The following ALOXE3 variants were observed in gnomAD, a reference collection of about 807,000 sequenced individuals.
ALOXE3 encodes the protein hydroperoxide isomerase ALOXE3.
Under a neutral mutation model 87.5 loss-of-function variants are expected in ALOXE3, and 78 were observed. The observed-to-expected ratio is 0.89, with a 90% CI of 0.74 to 1.08. ALOXE3 has a LOEUF of 1.08. Among genes scored for constraint, ALOXE3 ranks in the 50% least tolerant of loss-of-function variants. The pLI, the probability that ALOXE3 is intolerant of heterozygous loss-of-function variation, is 0.00. For synonymous variants in ALOXE3, 363 were observed against 370.8 expected (o/e 0.98, Z 0.24); for missense variants, 946 against 912.4 (o/e 1.04, Z -0.47).
intron 8 of ALOXE3, among the ~76,000 whole-genome samples, 168 bp downstream of exon 8, chr17:8,111,191 C>T (rs1014737579): frequency 1.3e-5 from 2 of 152,228 alleles, no homozygotes; most frequent in East Asian, 1.9e-4. Flanking sequence ...GACCCTCATC[C>T]GTATCTGCTC....
At chr17:8,104,618 G>A (rs923940554) in intron 13 of ALOXE3, among the ~76,000 whole-genome samples, 1 of 152,210 alleles carries the variant, frequency 6.6e-6, no homozygotes, top group Non-Finnish European at 1.5e-5. Context: ...TAGCAGCAGA[G>A]ACCCACGCAG....
intron 13 of ALOXE3, among the ~76,000 whole-genome samples, chr17:8,107,412 G>A (rs1374320723): frequency 6.6e-6 from 1 of 152,156 alleles, no homozygotes; most frequent in Non-Finnish European, 1.5e-5. Context: ...AGCTACTCGG[G>A]AGACTGAGGC....
In ALOXE3 at chr17:8,111,490, A is replaced by G; in HGVS notation, c.826T>C (p.Tyr276His). 5 of 1,614,192 alleles carry G rather than the reference A, an allele frequency of 3.1e-6. No individual in the cohort carries two copies. Among genetic ancestry groups the G allele is most frequent in the Non-Finnish European group, 4.2e-6 (5 of 1,180,022 alleles). Residue 276 changes from tyrosine to histidine, a missense_variant, in exon 8 of 16, where the codon TAC (tyrosine) becomes CAC (histidine). Tyr to His is a moderately conservative substitution (Grantham distance 83, BLOSUM62 2). Coordinates refer to ENST00000448843, the MANE Select transcript of ALOXE3 (RefSeq NM_021628.3). ...EHWCEDHFFG[Y>H]QYLNGVNPVM... ...GGATTGACACCATTCAGGTACTGGT[A>G]CCCAAAGAAGTGATCTTCACACCAG...
chr17:8,104,110 C>A lies in ALOXE3; in HGVS notation c.1785+5G>T. ...TGTCCCCAGGCCTGCCCTTTGTAGC[C>A]TCACCTGCCCACTGTTGACAGCAGC... On this transcript the variant is annotated splice_donor_5th_base_variant and intron_variant, in intron 14 of 15. Coordinates refer to ENST00000448843, the MANE Select transcript of ALOXE3 (RefSeq NM_021628.3). The A allele has an allele frequency of 2.5e-6, 4 of 1,613,072 alleles. No individual in the cohort carries two copies. Among genetic ancestry groups the A allele is most frequent in the East Asian group, 2.2e-5 (1 of 44,866 alleles).
At position 8,103,359 on chromosome 17, in the gene ALOXE3, GA is replaced by G. The variant is rs762851693; in HGVS notation, c.1919del (p.Leu640ProfsTer108). 1 of 1,614,054 alleles carries G rather than the reference GA, an allele frequency of 6.2e-7. No individual in the cohort carries two copies. Among genetic ancestry groups the G allele is most frequent in the Non-Finnish European group, 8.5e-7 (1 of 1,179,998 alleles). On this transcript the variant is annotated frameshift_variant, in exon 15 of 16. Transcript: ENST00000448843. LOFTEE classifies it high-confidence loss of function. ...GTTCTTGGCTAACCAACCAGAAGAG[GA>G]GGAGGTTGTTACAGCTGATGTTCAC... is the stretch of plus-strand genomic sequence containing the variant. The part of the protein sequence containing the change: ...PEVNISCNNL[L>X]LFWLVSQEPK...
At chr17:8,096,984 C>T (rs559707350) in intron 15 of ALOXE3, among the ~76,000 whole-genome samples, 178 bp from the exon 16 acceptor site, 2 of 152,312 alleles carry the variant, frequency 1.3e-5, no homozygotes, top group African/African-American at 4.8e-5. Flanking sequence ...GGCCCCCCAG[C>T]ACCCAAACCC....
intron 13 of ALOXE3, among the ~76,000 whole-genome samples, chr17:8,105,222 C>G (rs1979206152): frequency 1.3e-5 from 2 of 152,210 alleles, no homozygotes; most frequent in African/African-American, 2.4e-5. Flanking sequence ...TTATTCGACT[C>G]CAGCTGTGCA....
Position 8,114,541 on chromosome 17 carries a change from G to A in ALOXE3, c.623C>T (p.Pro208Leu), listed in dbSNP as rs940841477. 10 of 1,613,850 alleles carry A rather than the reference G, an allele frequency of 6.2e-6. No individual in the cohort carries two copies. The African/African-American group carries it at 1.3e-4, about 22-fold the overall frequency. Residue 208 changes from proline to leucine, a missense_variant, in exon 6 of 16, where the codon CCC becomes CTC. Physicochemically the swap from Pro to Leu is moderately conservative, Grantham distance 98 (BLOSUM62 -3). Coordinates refer to ENST00000448843, the MANE Select transcript of ALOXE3 (RefSeq NM_021628.3). ...IDIPSLMYMEPNVRYSATKTI... is the reference protein window; with the variant it reads ...IDIPSLMYMELNVRYSATKTI... ...CTTGGTGGCTGAGTATCGAACATTG[G>A]GCTCCATGTACATCAGGGATGGGAT...
intron 1 of ALOXE3, 84 bp downstream of exon 1, chr17:8,118,402 C>T (rs775360997): frequency 9.0e-6 from 14 of 1,551,084 alleles, no homozygotes; most frequent in Middle Eastern, 1.7e-4. Flanking sequence ...CGGACTGATG[C>T]CCTGGAGTGC....
chr17:8,099,867 C>A (rs1978813718), intron 15 of ALOXE3, among the ~76,000 whole-genome samples: 1 of 151,948 alleles, frequency 6.6e-6, no homozygotes, highest in Admixed American at 6.6e-5. Flanking sequence ...CCCAGGAGTT[C>A]AAGACCAGCC....
In ALOXE3 at chr17:8,108,071, G is replaced by A. The variant is rs141190314; in HGVS notation, c.1684+397C>T. ...AGAAAGAAAGAAAGAAAGAAAGGAA[G>A]AGAGGTTGGTGGCTGGAGGGGCCAC... On this transcript the variant is annotated intron_variant, in intron 13 of 15. Transcript: ENST00000448843. 2.0e-5 allele frequency among the ~76,000 whole-genome samples: 3 copies of A among 148,846 alleles called. 1 individual carries two copies. Among genetic ancestry groups the A allele is most frequent in the African/African-American group, 5.1e-5 (2 of 38,848 alleles).
At chr17:8,106,532 C>A (rs1979324241) in intron 13 of ALOXE3, among the ~76,000 whole-genome samples, 1 of 151,878 alleles carries the variant, frequency 6.6e-6, no homozygotes, top group African/African-American at 2.4e-5. Context: ...AAAACATGAG[C>A]AAAAACAAAA....
chr17:8,111,553 C>G (rs770953195), intron 7 of ALOXE3, 22 bp from the exon 8 acceptor site: 48 of 1,613,806 alleles, frequency 3.0e-5, no homozygotes, highest in Admixed American at 1.2e-4. Context: ...GAGAGGGGAC[C>G]AGTTGGTCTA....
chr17:8,111,615 G>A (rs1213893590), intron 7 of ALOXE3, 84 bp from the exon 8 acceptor site: 15 of 1,480,570 alleles, frequency 1.0e-5, no homozygotes, highest in Non-Finnish European at 1.4e-5. Context: ...TTATCATTGT[G>A]GTTTAGGTTT....
rs3027212 is a variant in ALOXE3 at position 8,112,479 on chromosome 17, C to G, written c.681-283G>C. 0.44 allele frequency among the ~76,000 whole-genome samples: 67,319 copies of G among 151,962 alleles called. 15,198 individuals are homozygous for G. The highest frequency in any genetic ancestry group is 0.49 in the Non-Finnish European group (33,208 of 67,932). On this transcript the variant is annotated intron_variant, in intron 6 of 15. Transcript: ENST00000448843. ...AAGCCACCCTCACTGGTGTTTTGGCCTGTATTCTCCAAGCTGCCCTCTTGT... is the reference window on the plus strand; with the variant it reads ...AAGCCACCCTCACTGGTGTTTTGGCGTGTATTCTCCAAGCTGCCCTCTTGT...
intron 5 of ALOXE3, 122 bp from the exon 6 acceptor site, chr17:8,114,731 C>A: frequency 6.6e-7 from 1 of 1,505,178 alleles, no homozygotes; most frequent in South Asian, 1.2e-5. Context: ...CGGCTCCTCC[C>A]CTGCCCTCTC....
intron 3 of ALOXE3, among the ~76,000 whole-genome samples, chr17:8,115,958 CCTTTTTCTT>C (rs1167068967): frequency 1.3e-5 from 2 of 152,196 alleles, no homozygotes; most frequent in African/African-American, 2.4e-5. Flanking sequence ...GTCTTGTATT[CCTTTTTCTT>C]CTTTTTCTTC....
rs1979571542 is a variant in ALOXE3, at chr17:8,107,950, A to AAAGAAAGAAAGG, written c.1684+506_1684+517dup. On this transcript the variant is annotated intron_variant, in intron 13 of 15. Coordinates refer to ENST00000448843, the MANE Select transcript of ALOXE3 (RefSeq NM_021628.3). Reference sequence around the variant, plus strand: ...GAAAGAAAGAAAGAAAGAAAGAAAGAAAGAAAGAAAGGAAGGAGAGAGAGA... The same window carrying AAAGAAAGAAAGG: ...GAAAGAAAGAAAGAAAGAAAGAAAGAAAGAAAGAAAGGAAGAAAGAAAGGAAGGAGAGAGAGA... Among the ~76,000 whole-genome samples the AAAGAAAGAAAGG allele has an allele frequency of 4.7e-4, 2 of 4,284 alleles. 1 individual carries two copies. Among genetic ancestry groups the AAAGAAAGAAAGG allele is most frequent in the South Asian group, 8.1e-3 (2 of 248 alleles). The allele number at this position is 4,284 out of a possible 152,430, so 2.8% of individuals were successfully genotyped here.
intron 1 of ALOXE3, 41 bp downstream of exon 1, chr17:8,118,445 C>G (rs1980812897): frequency 6.4e-7 from 1 of 1,550,480 alleles, no homozygotes; most frequent in East Asian, 2.4e-5. Flanking sequence ...CCCCCAAGAT[C>G]TGTTCCTCCC....
Sources: allele counts gnomAD v4.1 joint callset (sites outside exome capture counted in the v4.1 genomes callset), GRCh38; gene constraint gnomAD v4.1.1; transcripts MANE v1.5; gene names NCBI Gene and HGNC (gene_info 2026-07-23, HGNC 2026-07-21).